The following GFRA1 variants were observed in gnomAD, a reference collection of about 807,000 sequenced individuals.
The protein encoded by GFRA1 is GDNF family receptor alpha-1.
A neutral mutation model predicts 51.6 loss-of-function variants in GFRA1; 16 were observed. The observed-to-expected ratio is 0.31, with a 90% CI of 0.21 to 0.47. GFRA1 has a LOEUF of 0.47. Among genes scored for constraint, GFRA1 ranks in the 20% least tolerant of loss-of-function variants. The pLI is 1.00. For missense variants in GFRA1, 530 were observed against 594.3 expected (o/e 0.89, Z 1.13); for synonymous variants, 270 against 241.3 (o/e 1.12, Z -1.10).
intron 9 of GFRA1, among the ~76,000 whole-genome samples, chr10:116,070,192 A>C (rs1017346819): frequency 1.1e-4 from 16 of 152,302 alleles, no homozygotes; most frequent in African/African-American, 3.4e-4. Context: ...CTGATTAGAG[A>C]GATTTGCTAT....
At chr10:116,239,103 G>T (rs889573719) in intron 4 of GFRA1, among the ~76,000 whole-genome samples, 2 of 152,132 alleles carry the variant, frequency 1.3e-5, no homozygotes, top group Non-Finnish European at 2.9e-5. Context: ...GCCAATTAAC[G>T]AACAAAAATC....
intron 5 of GFRA1, among the ~76,000 whole-genome samples, chr10:116,165,395 A>C (rs998205437): frequency 1.4e-5 from 2 of 146,126 alleles, no homozygotes; most frequent in African/African-American, 5.6e-5. Flanking sequence ...AAAAACCCTT[A>C]TTCAAGCACA....
chr10:116,125,272 T>C lies in GFRA1; in HGVS notation c.719A>G (p.Lys240Arg), dbSNP rs751812540. The change falls in exon 6 of 11, where the codon AAG becomes AGG. Residue 240 changes from lysine to arginine, a missense_variant. Transcript: ENST00000355422. The part of the protein sequence containing the change: ...VPVCSYEERE[K>R]PNCLNLQDSC... ...GTCCTGCAAATTCAAACAGTTGGGC[T>C]TCTCCCTCTCTTCATAGGAGCACAC... 21 of 1,614,104 alleles carry C rather than the reference T, an allele frequency of 1.3e-5. No homozygotes were observed. In the Admixed American group the frequency reaches 3.3e-4, roughly 26 times the overall value.
intron 6 of GFRA1, among the ~76,000 whole-genome samples, chr10:116,109,068 C>T (rs1957102097): frequency 6.6e-6 from 1 of 152,168 alleles, no homozygotes; most frequent in Non-Finnish European, 1.5e-5. Context: ...GAACCTGTCA[C>T]TGTGCCCAGT....
At chr10:116,233,438 A>C (rs1966808463) in intron 4 of GFRA1, among the ~76,000 whole-genome samples, 1 of 152,158 alleles carries the variant, frequency 6.6e-6, no homozygotes, top group Admixed American at 6.5e-5. Context: ...TCTCAGGATT[A>C]ATTCCCAGCA....
At chr10:116,217,701 G>A (rs1465724421) in intron 4 of GFRA1, among the ~76,000 whole-genome samples, 2 of 152,188 alleles carry the variant, frequency 1.3e-5, no homozygotes, top group Admixed American at 1.3e-4. Flanking sequence ...ATGTCTGCCT[G>A]TGTGATCTTG....
intron 5 of GFRA1, among the ~76,000 whole-genome samples, chr10:116,131,670 A>ATT (rs897060888): frequency 6.6e-6 from 1 of 152,182 alleles, no homozygotes; most frequent in Non-Finnish European, 1.5e-5. Context: ...GCACAGTATG[A>ATT]TTATATATAT....
chr10:116,224,992 A>G (rs1464521114), intron 4 of GFRA1, among the ~76,000 whole-genome samples: 1 of 152,148 alleles, frequency 6.6e-6, no homozygotes, highest in Non-Finnish European at 1.5e-5. Flanking sequence ...CTATAGCTAG[A>G]GAAAACTATG....
chr10:116,247,631 C>T (rs1415095519), intron 4 of GFRA1, among the ~76,000 whole-genome samples: 1 of 152,126 alleles, frequency 6.6e-6, no homozygotes, highest in Non-Finnish European at 1.5e-5. Flanking sequence ...ACTGACTGGT[C>T]CCTCCATCTC....
chr10:116,197,604 A>T (rs1044231114), intron 5 of GFRA1, among the ~76,000 whole-genome samples: 2 of 152,204 alleles, frequency 1.3e-5, no homozygotes, highest in Admixed American at 1.3e-4. Flanking sequence ...ACAGTTCCAG[A>T]TGAACTAAGA....
At chr10:116,242,725 G>A (rs556611769) in intron 4 of GFRA1, among the ~76,000 whole-genome samples, 29 of 152,000 alleles carry the variant, frequency 1.9e-4, no homozygotes, top group Non-Finnish European at 3.5e-4. Flanking sequence ...CAGGTGATCC[G>A]CCTGCCTCAG....
At chr10:116,187,991 G>C (rs946449986) in intron 5 of GFRA1, among the ~76,000 whole-genome samples, 1 of 152,136 alleles carries the variant, frequency 6.6e-6, no homozygotes, top group Non-Finnish European at 1.5e-5. Context: ...TATGAATCTA[G>C]ACAGTAGACA....
In GFRA1 at chr10:116,061,895, G is replaced by A. The variant is rs1434220844; in HGVS notation, c.*2503C>T. ...GAATGGCGGAAACCTTGCTTGGCTT[G>A]CTTTGATAAGAATCTCTCTAACGTG... is the stretch of plus-strand genomic sequence containing the variant. On this transcript the variant is annotated 3_prime_UTR_variant, in exon 11 of 11. Coordinates refer to ENST00000355422, the MANE Select transcript of GFRA1 (RefSeq NM_005264.8). 7.5e-6 allele frequency: 3 copies of A among 397,796 alleles called. No individual in the cohort carries two copies. Among genetic ancestry groups the A allele is most frequent in the Admixed American group, 4.4e-5 (1 of 22,714 alleles). The allele number at this position is 397,796 out of a possible 1,614,324, so 24.6% of individuals were successfully genotyped here. A position where few individuals can be genotyped will look rare whatever the true frequency, so the allele number is the denominator to read the frequency against.
In GFRA1 at chr10:116,197,229, G is replaced by C. The variant is rs937338497; in HGVS notation, c.433+14402C>G. ...TAATTCATGGAAGCAGAGCCTTCAG[G>C]AATGAGATTAGGGCCCTTAGGACTC... On this transcript the variant is annotated intron_variant, in intron 5 of 10. Transcript: ENST00000355422. 7.2e-5 allele frequency among the ~76,000 whole-genome samples: 11 copies of C among 152,156 alleles called. No homozygotes were observed. In the East Asian group the frequency reaches 1.9e-3, roughly 27 times the overall value.
chr10:116,270,936 T>C lies in GFRA1; in HGVS notation c.220A>G (p.Ser74Gly). The C allele has an allele frequency of 2.5e-6, 4 of 1,614,190 alleles. No homozygotes were observed. Among genetic ancestry groups the C allele is most frequent in the Non-Finnish European group, 3.4e-6 (4 of 1,180,042 alleles). ...TTCTGCTTCAGGGCCTCCATGGCGC[T>C]GCGGCACTCATCCTTGGCCTCCAGG... ...SGLEAKDECR[S>G]AMEALKQKSL... Residue 74 changes from serine to glycine, a missense_variant, in exon 3 of 11, where the codon AGC becomes GGC. By Grantham distance (56) the Ser-to-Gly change is moderately conservative. Transcript: ENST00000355422.
intron 5 of GFRA1, among the ~76,000 whole-genome samples, chr10:116,194,898 G>A (rs1029732319): frequency 6.6e-6 from 1 of 152,294 alleles, no homozygotes; most frequent in South Asian, 2.1e-4. Flanking sequence ...AGGCAGACAA[G>A]GAACAAGAGA....
intron 4 of GFRA1, among the ~76,000 whole-genome samples, chr10:116,221,972 A>G (rs1036983345): frequency 1.3e-5 from 2 of 152,178 alleles, no homozygotes; most frequent in African/African-American, 2.4e-5. Context: ...AAAAAATGAG[A>G]ATTCCAAGAA....
chr10:116,273,886 C>T (rs2134858677), upstream of GFRA1, among the ~76,000 whole-genome samples: 1 of 152,204 alleles, frequency 6.6e-6, no homozygotes, highest in African/African-American at 2.4e-5. Flanking sequence ...GGGATGCGCC[C>T]ATCCGTTCGT....
At chr10:116,117,554 T>G (rs1455222833) in intron 6 of GFRA1, among the ~76,000 whole-genome samples, 9 of 89,136 alleles carry the variant, frequency 1.0e-4, no homozygotes, top group East Asian at 3.3e-4. Context: ...GGTGGGTGGG[T>G]GTGTGGATGG....
Sources: allele counts gnomAD v4.1 joint callset (sites outside exome capture counted in the v4.1 genomes callset), GRCh38; gene constraint gnomAD v4.1.1; transcripts MANE v1.5; gene names NCBI Gene and HGNC (gene_info 2026-07-23, HGNC 2026-07-21).